The following SRRM4 variants were observed in gnomAD, a reference collection of about 807,000 sequenced individuals.
SRRM4 encodes the protein serine/arginine repetitive matrix protein 4.
SRRM4 carries 33 observed loss-of-function variants against 68.9 expected under a neutral mutation model. The observed-to-expected ratio is 0.48, with a 90% CI of 0.36 to 0.64. SRRM4 has a LOEUF of 0.64. Among genes scored for constraint, SRRM4 ranks in the 30% least tolerant of loss-of-function variants. SRRM4 has a pLI of 0.00. For missense variants in SRRM4, 817 were observed against 827.1 expected (o/e 0.99, Z 0.15); for synonymous variants, 318 against 318.8 (o/e 1.00, Z 0.03).
intron 1 of SRRM4, among the ~76,000 whole-genome samples, chr12:118,985,744 G>A (rs1410375782): frequency 6.6e-6 from 1 of 152,144 alleles, no homozygotes; most frequent in Non-Finnish European, 1.5e-5. Context: ...AGAGAAGTTT[G>A]TACCTAAGAA....
chr12:119,154,286 G>A lies in SRRM4; in HGVS notation c.1435G>A (p.Glu479Lys), dbSNP rs758572435. The A allele has an allele frequency of 6.2e-7, 1 of 1,610,416 alleles. No homozygotes were observed. The highest frequency in any genetic ancestry group is 1.3e-5 in the African/African-American group (1 of 75,020). Residue 479 changes from glutamate (E) to lysine (K), a missense_variant, in exon 12 of 13, where the codon GAG (glutamate) becomes AAG (lysine). By Grantham distance (56) the Glu-to-Lys change is moderately conservative (BLOSUM62 1). Coordinates refer to ENST00000267260, the MANE Select transcript of SRRM4 (RefSeq NM_194286.4). The surrounding 1 kb of genome is among the most constrained non-coding windows in gnomAD (Gnocchi z 4.7). ...CAGTGAGAAGGACTCGCAGCAGCGG[G>A]AGCGCGAGCGAGCGCGTCGGAGACG... ...KYSEKDSQQR[E>K]RERARRRRRS...
At chr12:119,120,580 ACAGTCCTG>A (rs1450041620) in intron 5 of SRRM4, among the ~76,000 whole-genome samples, 13 of 152,174 alleles carry the variant, frequency 8.5e-5, no homozygotes, top group Non-Finnish European at 1.3e-4. Flanking sequence ...ACATAGGGAA[ACAGTCCTG>A]TCACACCACC....
chr12:119,040,153 A>G (rs1953657106), intron 1 of SRRM4, among the ~76,000 whole-genome samples: 1 of 152,206 alleles, frequency 6.6e-6, no homozygotes, highest in Non-Finnish European at 1.5e-5. Flanking sequence ...ATTAATAACA[A>G]TAAGAACAAT....
intron 5 of SRRM4, 103 bp downstream of exon 5, chr12:119,120,379 A>G (rs764962794): frequency 5.8e-5 from 71 of 1,234,506 alleles, no homozygotes; most frequent in Non-Finnish European, 7.9e-5. Context: ...GCTCTTAGGC[A>G]TGACCCCTTC....
chr12:119,118,773 TCTCA>T (rs1220348237), intron 4 of SRRM4, among the ~76,000 whole-genome samples: 1 of 152,186 alleles, frequency 6.6e-6, no homozygotes, highest in Non-Finnish European at 1.5e-5. Context: ...CCAAGTGGCT[TCTCA>T]CTCACAGATT....
intron 2 of SRRM4, among the ~76,000 whole-genome samples, chr12:119,108,069 T>C (rs1052908868): frequency 6.6e-6 from 1 of 152,238 alleles, no homozygotes; most frequent in African/African-American, 2.4e-5. Flanking sequence ...CATTTCGTTA[T>C]GTACCCAGTA....
intron 1 of SRRM4, among the ~76,000 whole-genome samples, chr12:119,053,451 G>A (rs889929113): frequency 6.6e-6 from 1 of 152,182 alleles, no homozygotes; most frequent in Non-Finnish European, 1.5e-5. Flanking sequence ...TATGGGAGAC[G>A]TGGCTTAGGA....
At chr12:119,108,707 T>G (rs1352110361) in intron 2 of SRRM4, among the ~76,000 whole-genome samples, 2 of 152,156 alleles carry the variant, frequency 1.3e-5, no homozygotes, top group African/African-American at 4.8e-5. Flanking sequence ...TTTGAGCCTA[T>G]GTGTGTCTCT....
intron 8 of SRRM4, chr12:119,133,196 A>G (rs1036396649): frequency 6.6e-6 from 1 of 152,238 alleles, no homozygotes; most frequent in Non-Finnish European, 1.5e-5. Context: ...ATGAGAATTC[A>G]ATGACACAAT....
intron 1 of SRRM4, among the ~76,000 whole-genome samples, chr12:118,992,576 G>A (rs1953323960): frequency 6.6e-6 from 1 of 152,212 alleles, no homozygotes; most frequent in South Asian, 2.1e-4. Context: ...ATCCGGAAGG[G>A]GCAGGTATCT....
intron 1 of SRRM4, among the ~76,000 whole-genome samples, chr12:119,059,006 T>G (rs1953794419): frequency 6.6e-6 from 1 of 152,140 alleles, no homozygotes; most frequent in Non-Finnish European, 1.5e-5. Flanking sequence ...CTCCTTAGAT[T>G]GCAGCTATTT....
chr12:119,023,443 C>CTTTTGATCCCTATCA (rs1953528486), intron 1 of SRRM4, among the ~76,000 whole-genome samples: 1 of 152,152 alleles, frequency 6.6e-6, no homozygotes, highest in Admixed American at 6.5e-5. Context: ...CCAAAAGACA[C>CTTTTGATCCCTATCA]AGCAATTCCT....
chr12:119,069,102 G>T (rs1340501183), intron 1 of SRRM4, among the ~76,000 whole-genome samples: 1 of 152,150 alleles, frequency 6.6e-6, no homozygotes, highest in East Asian at 1.9e-4. Context: ...AGATATCCTT[G>T]AAGGAAGTTC....
intron 7 of SRRM4, among the ~76,000 whole-genome samples, chr12:119,126,117 G>A (rs1343146982): frequency 1.4e-5 from 2 of 137,942 alleles, no homozygotes; most frequent in Non-Finnish European, 1.5e-5. Context: ...TCCACCTCCT[G>A]GGTTCAAGCG....
At chr12:119,130,593 A>T in intron 7 of SRRM4, 85 bp from the exon 8 acceptor site, 1 of 1,355,640 alleles carries the variant, frequency 7.4e-7, no homozygotes, top group Admixed American at 2.4e-5. Flanking sequence ...ACACTTTATC[A>T]TCCTCAGATC....
intron 1 of SRRM4, among the ~76,000 whole-genome samples, chr12:119,019,961 C>CCCAAA (rs547396065): frequency 3.1e-4 from 28 of 90,102 alleles, no homozygotes; most frequent in Middle Eastern, 5.9e-3. Context: ...CCCCCCCCCC[C>CCCAAA]AAAAAAAAAT....
At chr12:119,038,281 G>A (rs910535195) in intron 1 of SRRM4, among the ~76,000 whole-genome samples, 2 of 149,992 alleles carry the variant, frequency 1.3e-5, no homozygotes, top group African/African-American at 4.9e-5. Flanking sequence ...CTCAGCTCAC[G>A]GCTCACTGCA....
At chr12:119,013,181 G>A (rs1357183185) in intron 1 of SRRM4, among the ~76,000 whole-genome samples, 1 of 152,068 alleles carries the variant, frequency 6.6e-6, no homozygotes, top group East Asian at 1.9e-4. Flanking sequence ...CAATCAGGCT[G>A]TTTCCTTTCT....
chr12:119,144,935 G>C (rs1954391368), intron 8 of SRRM4, among the ~76,000 whole-genome samples: 1 of 151,934 alleles, frequency 6.6e-6, no homozygotes, highest in African/African-American at 2.4e-5. Flanking sequence ...GGCTTTATCT[G>C]CTTTTATTTT....
Sources: allele counts gnomAD v4.1 joint callset (sites outside exome capture counted in the v4.1 genomes callset), GRCh38; gene constraint gnomAD v4.1.1; non-coding constraint Gnocchi (gnomAD v3.1); transcripts MANE v1.5; gene names NCBI Gene and HGNC (gene_info 2026-07-23, HGNC 2026-07-21).